The following TMOD1 variants were observed in gnomAD, a reference collection of about 807,000 sequenced individuals.
The protein encoded by TMOD1 is tropomodulin-1.
Under a neutral mutation model 40.6 loss-of-function variants are expected in TMOD1, and 17 were observed. That is an observed-to-expected ratio of 0.42 (90% CI 0.29 to 0.63). TMOD1 has a LOEUF of 0.63. Ranked by LOEUF, TMOD1 falls within the 20% of genes least tolerant of loss-of-function variation. The probability of loss-of-function intolerance (pLI) is 0.22; values close to 1 mark genes in which losing one functional copy is unlikely to be tolerated. For missense variants in TMOD1, 391 were observed against 447.6 expected (o/e 0.87, Z 1.14); for synonymous variants, 181 against 175.0 (o/e 1.03, Z -0.27).
intron 1 of TMOD1, among the ~76,000 whole-genome samples, chr9:97,519,770 G>A (rs1012462229): frequency 6.6e-6 from 1 of 152,166 alleles, no homozygotes; most frequent in Non-Finnish European, 1.5e-5. Context: ...CATAGAACAC[G>A]GGTCCTCTCC....
chr9:97,519,950 A>C (rs575242662), intron 1 of TMOD1, among the ~76,000 whole-genome samples: 254 of 152,176 alleles, frequency 1.7e-3, no homozygotes, highest in Non-Finnish European at 1.3e-3. Context: ...ACAATACCTT[A>C]CGGGGGCGAG....
chr9:97,588,412 C>T (rs540615030), intron 8 of TMOD1, among the ~76,000 whole-genome samples: 197 of 152,164 alleles, frequency 1.3e-3, no homozygotes, highest in African/African-American at 4.4e-3. Context: ...TATTCAAATC[C>T]TTTGCTCATT....
rs1587971787 is a variant in TMOD1 at position 97,600,676 on chromosome 9, T to TA, written c.*979dup. ...TTATTAGACAAATTGCTGCTGACCTTACGCCTGTATATTAAGCCTCCGCAG... is the reference window on the plus strand; with the variant it reads ...TTATTAGACAAATTGCTGCTGACCTTAACGCCTGTATATTAAGCCTCCGCAG... On this transcript the variant is annotated 3_prime_UTR_variant, in exon 10 of 10. Transcript: ENST00000259365. The TA allele has an allele frequency of 3.0e-6, 3 of 997,222 alleles. No homozygotes were observed. The highest frequency in any genetic ancestry group is 3.6e-6 in the Non-Finnish European group (3 of 837,258). 61.8% of individuals were successfully genotyped at this position (997,222 alleles called of 1,614,324 possible).
chr9:97,563,346 C>T (rs893914906), intron 5 of TMOD1, among the ~76,000 whole-genome samples: 2 of 152,218 alleles, frequency 1.3e-5, no homozygotes, highest in Non-Finnish European at 2.9e-5. Flanking sequence ...AGCCACCACA[C>T]CTGGCCTTAT....
chr9:97,553,054 G>T (rs1020642179), intron 3 of TMOD1, among the ~76,000 whole-genome samples: 2 of 152,186 alleles, frequency 1.3e-5, no homozygotes, highest in African/African-American at 4.8e-5. Flanking sequence ...AGGGTAGTCA[G>T]CTTGGACCAA....
chr9:97,506,263 C>T (rs1173199317), intron 1 of TMOD1, among the ~76,000 whole-genome samples: 4 of 152,174 alleles, frequency 2.6e-5, no homozygotes, highest in Admixed American at 1.3e-4. Flanking sequence ...CTAAATGGAA[C>T]CACCCAATGA....
At chr9:97,524,865 G>A (rs1021266415) in intron 2 of TMOD1, among the ~76,000 whole-genome samples, 6 of 88,898 alleles carry the variant, frequency 6.7e-5, no homozygotes, top group Non-Finnish European at 8.0e-5. Flanking sequence ...ACCCCCCACC[G>A]CCATATCAGG....
At position 97,553,263 on chromosome 9, in the gene TMOD1, T is replaced by A; in HGVS notation, c.278-18T>A. 1 of 1,613,586 alleles carries A rather than the reference T, an allele frequency of 6.2e-7. No homozygotes were observed. The highest frequency in any genetic ancestry group is 1.1e-5 in the South Asian group (1 of 91,034). ...CCATTGCAGCCACTCCCGTAACAGG[T>A]CCCCTGTGTGTTTGCAGGAAAGGTC... On this transcript the variant is annotated intron_variant, in intron 3 of 9. Transcript: ENST00000259365.
chr9:97,591,185 C>A, intron 8 of TMOD1, 106 bp from the exon 9 acceptor site: 3 of 1,215,262 alleles, frequency 2.5e-6, no homozygotes, highest in Non-Finnish European at 1.1e-6. Context: ...GGCTAAAATC[C>A]CCTCCCACTA....
At chr9:97,525,779 T>C (rs961042343) in intron 2 of TMOD1, among the ~76,000 whole-genome samples, 2 of 152,258 alleles carry the variant, frequency 1.3e-5, no homozygotes, top group Non-Finnish European at 2.9e-5. Flanking sequence ...TCTTTGCTCA[T>C]TGATTCAGAG....
chr9:97,576,988 G>A (rs1370802237), intron 8 of TMOD1, among the ~76,000 whole-genome samples: 2 of 152,130 alleles, frequency 1.3e-5, no homozygotes, highest in Non-Finnish European at 2.9e-5. Context: ...TAAATCGGGT[G>A]AGGGAGACTC....
intron 8 of TMOD1, among the ~76,000 whole-genome samples, chr9:97,584,910 G>C (rs918852113): frequency 6.6e-6 from 1 of 152,180 alleles, no homozygotes; most frequent in African/African-American, 2.4e-5. Context: ...CTGCAAGTGA[G>C]ATGGGTTTCC....
Position 97,567,296 on chromosome 9 carries a change from C to G in TMOD1, c.726+1341C>G, listed in dbSNP as rs947651956. ...TCCATTCTGGCCCTCAGCTCAGGTC[C>G]ACAAATGTTTTTTGGGCATGGACTC... On this transcript the variant is annotated intron_variant, in intron 7 of 9. Transcript: ENST00000259365. 2.6e-5 allele frequency among the ~76,000 whole-genome samples: 4 copies of G among 152,322 alleles called. No homozygotes were observed. The East Asian group carries it at 7.7e-4, about 29-fold the overall frequency.
chr9:97,528,200 C>A (rs1830045790), intron 2 of TMOD1, among the ~76,000 whole-genome samples: 1 of 152,206 alleles, frequency 6.6e-6, no homozygotes, highest in African/African-American at 2.4e-5. Flanking sequence ...ACTTGTGCTA[C>A]TGGAGGGACA....
Position 97,553,310 on chromosome 9 carries a change from C to T in TMOD1, c.307C>T (p.Leu103=), listed in dbSNP as rs770059801. ...GGTCTGGGTTCCTAAGCAGAAGCCACTGGATCCTGTGCTGGAAAGTGTGAC... is the reference window on the plus strand; with the variant it reads ...GGTCTGGGTTCCTAAGCAGAAGCCATTGGATCCTGTGCTGGAAAGTGTGAC... The part of the protein sequence containing the change: ...GKVWVPKQKP[L]DPVLESVTLE... The change falls in exon 4 of 10, where the codon CTG becomes TTG. Residue 103 remains leucine, a synonymous_variant. Transcript: ENST00000259365. 2.7e-5 allele frequency: 43 copies of T among 1,614,070 alleles called. No homozygotes were observed. The East Asian group carries it at 9.4e-4, about 35-fold the overall frequency.
rs1829680505 is a variant in TMOD1 at position 97,510,576 on chromosome 9, C to G, written c.-49+8773C>G. Among the ~76,000 whole-genome samples, 12 of 152,214 alleles carry G rather than the reference C, an allele frequency of 7.9e-5. No homozygotes were observed. The South Asian group carries it at 2.5e-3, about 31-fold the overall frequency. On this transcript the variant is annotated intron_variant, in intron 1 of 9. Transcript: ENST00000259365. Reference sequence around the variant, plus strand: ...ACAAGTGCTTTTGACTTACGGCTATCAAAGCTAATAATAATGCTAGGCATT... The same window carrying G: ...ACAAGTGCTTTTGACTTACGGCTATGAAAGCTAATAATAATGCTAGGCATT...
chr9:97,580,326 G>T (rs1178522527), intron 8 of TMOD1, among the ~76,000 whole-genome samples: 2 of 152,200 alleles, frequency 1.3e-5, no homozygotes, highest in African/African-American at 4.8e-5. Context: ...ATACAGAGGA[G>T]CCGAGTGCAG....
At position 97,525,858 on chromosome 9, in the gene TMOD1, A is replaced by C. The variant is rs915744271; in HGVS notation, c.120+1550A>C. On this transcript the variant is annotated intron_variant, in intron 2 of 9. Transcript: ENST00000259365. ...TTTTAATGGAATTGTTGTGTCTCCT[A>C]GTGGAACTTTGGTCCTTTGAAACTA... Among the ~76,000 whole-genome samples the C allele has an allele frequency of 2.0e-5, 3 of 152,192 alleles. No individual in the cohort carries two copies. The South Asian group carries it at 6.2e-4, about 31-fold the overall frequency.
At chr9:97,566,616 A>G (rs967467742) in intron 7 of TMOD1, among the ~76,000 whole-genome samples, 1 of 152,162 alleles carries the variant, frequency 6.6e-6, no homozygotes, top group Non-Finnish European at 1.5e-5. Context: ...GGTTGTAGTG[A>G]GCCGAGATTG....
Sources: gnomAD v4.1 joint callset for allele counts (sites outside exome capture counted in the v4.1 genomes callset) on GRCh38, gnomAD v4.1.1 for gene constraint, MANE v1.5 for transcripts, NCBI Gene and HGNC (gene_info 2026-07-23, HGNC 2026-07-21) for gene names.